The following CDKL1 variants were observed in gnomAD, a reference collection of about 807,000 sequenced individuals.
CDKL1 encodes the protein cyclin dependent kinase like 1.
In CDKL1, 41 loss-of-function variants were observed where a neutral mutation model predicts 42.0. The ratio of observed to expected loss-of-function variants is 0.98; its 90% CI spans 0.76 to 1.27. The LOEUF (loss-of-function observed/expected upper bound fraction) is 1.27, where lower values mean the gene tolerates loss of function less well. Ranked by LOEUF, CDKL1 falls within the 50% of genes most tolerant of loss-of-function variation. The pLI is 0.00. For missense variants in CDKL1, 394 were observed against 428.4 expected (o/e 0.92, Z 0.71); for synonymous variants, 153 against 158.6 (o/e 0.96, Z 0.26).
intron 2 of CDKL1, among the ~76,000 whole-genome samples, chr14:50,359,733 C>A (rs2034179522): frequency 7.1e-6 from 1 of 141,220 alleles, no homozygotes; most frequent in South Asian, 2.3e-4. Context: ...AGGCCGTGTA[C>A]ATAACAGGCA....
intron 2 of CDKL1, among the ~76,000 whole-genome samples, chr14:50,384,808 C>T (rs1204168342): frequency 6.6e-6 from 1 of 151,600 alleles, no homozygotes; most frequent in African/African-American, 2.4e-5. Flanking sequence ...GCTCGGTTCA[C>T]ACCTGTAATC....
chr14:50,350,380 C>A (rs1681735258), intron 3 of CDKL1, among the ~76,000 whole-genome samples: 1 of 152,206 alleles, frequency 6.6e-6, no homozygotes, highest in South Asian at 2.1e-4. Flanking sequence ...AATTCCTTCT[C>A]ATTCTTTACT....
chr14:50,352,536 T>C lies in CDKL1; in HGVS notation c.290+6492A>G, dbSNP rs540079132. ...ACCTCAGTATTCAACCAGAGAGGAATGGTGAGACATAATAAACTTAATGTA... is the reference window on the plus strand; with the variant it reads ...ACCTCAGTATTCAACCAGAGAGGAACGGTGAGACATAATAAACTTAATGTA... On this transcript the variant is annotated intron_variant, in intron 3 of 9. Coordinates refer to ENST00000395834, the MANE Select transcript of CDKL1 (RefSeq NM_004196.7). Among the ~76,000 whole-genome samples the C allele has an allele frequency of 2.0e-4, 30 of 152,240 alleles. No homozygotes were observed. In the South Asian group the frequency reaches 2.9e-3, roughly 15 times the overall value.
intron 2 of CDKL1, among the ~76,000 whole-genome samples, chr14:50,363,653 C>T (rs1006425653): frequency 6.6e-6 from 1 of 152,148 alleles, no homozygotes; most frequent in Non-Finnish European, 1.5e-5. Flanking sequence ...CATATTTAGT[C>T]CTCATGTCTC....
Position 50,326,889 on chromosome 14 carries a change from AAATT to A in CDKL1, c.*3181_*3184del, listed in dbSNP as rs1355718009. On this transcript the variant is annotated 3_prime_UTR_variant, in exon 10 of 10. Coordinates refer to ENST00000395834, the MANE Select transcript of CDKL1 (RefSeq NM_004196.7). ...GACCCCATCTCTAAAAAAATTTTAA[AAATT>A]AGGCAGGCATGGTGGTGCATACCTG... 5.7e-6 allele frequency: 2 copies of A among 353,376 alleles called. No individual in the cohort carries two copies. Among genetic ancestry groups the A allele is most frequent in the Non-Finnish European group, 7.9e-6 (2 of 252,734 alleles). 21.9% of individuals were successfully genotyped at this position (353,376 alleles called of 1,614,324 possible). A position where few individuals can be genotyped will look rare whatever the true frequency, so the allele number is the denominator to read the frequency against.
intron 2 of CDKL1, chr14:50,390,251 A>G (rs2035215568): frequency 2.2e-6 from 3 of 1,366,006 alleles, no homozygotes; most frequent in Non-Finnish European, 2.9e-6. Flanking sequence ...ATGCTGGTCT[A>G]ATATATTTTA....
intron 2 of CDKL1, chr14:50,390,267 CCCATACCA>C (rs886736265): frequency 7.3e-7 from 1 of 1,366,350 alleles, no homozygotes. Flanking sequence ...TTTTAACGCC[CCCATACCA>C]CCTGCCATAG....
At chr14:50,365,846 C>T (rs1033121499) in intron 2 of CDKL1, among the ~76,000 whole-genome samples, 10 of 152,194 alleles carry the variant, frequency 6.6e-5, no homozygotes, top group Non-Finnish European at 1.5e-5. Flanking sequence ...CTGAGTCTTC[C>T]GGCCTTCATC....
intron 2 of CDKL1, among the ~76,000 whole-genome samples, chr14:50,391,546 C>T (rs1233957928): frequency 2.0e-5 from 3 of 152,070 alleles, no homozygotes; most frequent in Admixed American, 6.6e-5. Flanking sequence ...CCACGCTTGC[C>T]TAGTTTTTGT....
At position 50,396,167 on chromosome 14, in the gene CDKL1, C is replaced by G; in HGVS notation, c.-299G>C. 1 of 955,564 alleles carries G rather than the reference C, an allele frequency of 1.0e-6. No individual in the cohort carries two copies. The highest frequency in any genetic ancestry group is 1.2e-6 in the Non-Finnish European group (1 of 827,494). The allele number at this position is 955,564 out of a possible 1,614,324, so 59.2% of individuals were successfully genotyped here. On this transcript the variant is annotated 5_prime_UTR_variant, in exon 2 of 10. Coordinates refer to ENST00000395834, the MANE Select transcript of CDKL1 (RefSeq NM_004196.7). ...CGCCACTGCACTCCAGCCCGGGCGA[C>G]AGAGCGAGATTCCGTCTCAAAAAAA...
chr14:50,346,947 C>T (rs1165485555), intron 3 of CDKL1, among the ~76,000 whole-genome samples: 1 of 152,108 alleles, frequency 6.6e-6, no homozygotes, highest in Non-Finnish European at 1.5e-5. Flanking sequence ...CCATGCCCGG[C>T]CTGCAAATTA....
intron 2 of CDKL1, chr14:50,376,428 G>A: frequency 2.1e-6 from 1 of 468,800 alleles, no homozygotes; most frequent in Non-Finnish European, 4.4e-6. Context: ...TCCTGTGGAG[G>A]CAAAAAATAT....
intron 2 of CDKL1, among the ~76,000 whole-genome samples, chr14:50,375,509 T>G (rs1414538717): frequency 6.6e-6 from 1 of 152,240 alleles, no homozygotes. Flanking sequence ...TGGAGAAACC[T>G]GACGACACTA....
chr14:50,344,515 G>A (rs1012934784), intron 4 of CDKL1, among the ~76,000 whole-genome samples: 12 of 144,932 alleles, frequency 8.3e-5, no homozygotes, highest in African/African-American at 3.1e-4. Flanking sequence ...TGTCATCCAG[G>A]TTGGAGTACA....
intron 4 of CDKL1, among the ~76,000 whole-genome samples, chr14:50,344,548 C>G (rs182915069): frequency 4.7e-4 from 70 of 148,992 alleles, no homozygotes; most frequent in Non-Finnish European, 7.5e-4. Context: ...TGACTCACTG[C>G]AGCCTCGACC....
chr14:50,386,782 T>C (rs939712597), intron 2 of CDKL1, among the ~76,000 whole-genome samples: 15 of 151,908 alleles, frequency 9.9e-5, no homozygotes, highest in Non-Finnish European at 2.9e-5. Context: ...AAGAATTGGC[T>C]GGGCGCAGTG....
intron 2 of CDKL1, among the ~76,000 whole-genome samples, chr14:50,384,682 C>CT (rs11285101): frequency 0.25 from 35,687 of 141,668 alleles, 4,675 homozygotes; most frequent in Middle Eastern, 0.32. Context: ...GAAAATCTTT[C>CT]TTTTTTTTTT....
intron 9 of CDKL1, 38 bp from the exon 10 acceptor site, chr14:50,330,219 G>A (rs1303788169): frequency 1.3e-6 from 2 of 1,579,486 alleles, no homozygotes; most frequent in Non-Finnish European, 1.7e-6. Context: ...TCAAAACTGT[G>A]CCATGCATTT....
At chr14:50,382,457 A>T (rs1471562093) in intron 2 of CDKL1, among the ~76,000 whole-genome samples, 1 of 152,038 alleles carries the variant, frequency 6.6e-6, no homozygotes, top group Non-Finnish European at 1.5e-5. Context: ...TCTCAAAAAA[A>T]AATTTTTTTT....
Sources: gnomAD v4.1 joint callset for allele counts (sites outside exome capture counted in the v4.1 genomes callset) on GRCh38, gnomAD v4.1.1 for gene constraint, MANE v1.5 for transcripts, NCBI Gene and HGNC (gene_info 2026-07-23, HGNC 2026-07-21) for gene names.